PTPRN2: variants seen among roughly 807,000 people sequenced by gnomAD.
PTPRN2 encodes protein tyrosine phosphatase receptor type N2.
A neutral mutation model predicts 118.8 loss-of-function variants in PTPRN2; 74 were observed. That is an observed-to-expected ratio of 0.62 (90% CI 0.52 to 0.76). PTPRN2 has a LOEUF of 0.76. Ranked by LOEUF, PTPRN2 falls within the 30% of genes least tolerant of loss-of-function variation. PTPRN2 has a pLI of 0.00. For synonymous variants in PTPRN2, 641 were observed against 608.0 expected (o/e 1.05, Z -0.80); for missense variants, 1,481 against 1,394.4 (o/e 1.06, Z -0.99).
chr7:158,331,783 C>T (rs62480891), intron 2 of PTPRN2, among the ~76,000 whole-genome samples: 95,785 of 143,740 alleles, frequency 0.67, 32,209 homozygotes, highest in South Asian at 0.79. Context: ...AGAGCTGTCA[C>T]GCACAGACAT....
intron 5 of PTPRN2, among the ~76,000 whole-genome samples, chr7:158,167,695 G>T (rs1468896450): frequency 1.3e-5 from 2 of 152,178 alleles, no homozygotes; most frequent in Admixed American, 6.5e-5. Flanking sequence ...CTGCTCATTC[G>T]CTTTCAGTCT....
intron 3 of PTPRN2, among the ~76,000 whole-genome samples, chr7:158,252,785 A>G (rs1195634008): frequency 1.3e-5 from 2 of 152,208 alleles, no homozygotes; most frequent in East Asian, 3.9e-4. Context: ...ATGCAAAGCC[A>G]GAGAACGAAC....
chr7:157,887,406 C>T (rs1584953523), intron 12 of PTPRN2, among the ~76,000 whole-genome samples: 1 of 137,308 alleles, frequency 7.3e-6, no homozygotes, highest in African/African-American at 2.7e-5. Flanking sequence ...GCCCACTCCC[C>T]CCAGTACCCA....
Position 157,560,416 on chromosome 7 carries a change from C to T in PTPRN2, c.2902+8486G>A, listed in dbSNP as rs988642157. ...ATGCTGTCCACACGCTCCCACCAGG[C>T]GATCGACACCAGGGTCCGCCTGTGC... On this transcript the variant is annotated intron_variant, in intron 21 of 22. Transcript: ENST00000389418. This position sits in a 1 kb window ranked among gnomAD's most constrained non-coding sequence, Gnocchi z 6.7. 3.4e-5 allele frequency among the ~76,000 whole-genome samples: 5 copies of T among 146,884 alleles called. No individual in the cohort carries two copies. Among genetic ancestry groups the T allele is most frequent in the African/African-American group, 1.0e-4 (4 of 39,700 alleles).
intron 6 of PTPRN2, among the ~76,000 whole-genome samples, chr7:158,145,093 G>T (rs1229251194): frequency 6.2e-5 from 9 of 144,560 alleles, no homozygotes; most frequent in Non-Finnish European, 9.0e-5. Flanking sequence ...AGAATACCAC[G>T]GCTCGGCAAG....
At chr7:157,815,954 C>T (rs910217912) in intron 12 of PTPRN2, among the ~76,000 whole-genome samples, 1 of 152,220 alleles carries the variant, frequency 6.6e-6, no homozygotes, top group South Asian at 2.1e-4. Context: ...AGCACACGCC[C>T]TCTCTGGCTT....
intron 3 of PTPRN2, among the ~76,000 whole-genome samples, chr7:158,212,492 T>C (rs1365248761): frequency 6.6e-6 from 1 of 152,196 alleles, no homozygotes; most frequent in Non-Finnish European, 1.5e-5. Context: ...ATATCCCATG[T>C]ACCCCATAAA....
intron 11 of PTPRN2, among the ~76,000 whole-genome samples, chr7:158,049,373 G>T (rs1055100140): frequency 2.0e-5 from 3 of 152,200 alleles, no homozygotes; most frequent in African/African-American, 7.2e-5. Flanking sequence ...ACTGGTGGGT[G>T]ACTCCAACTC....
intron 3 of PTPRN2, among the ~76,000 whole-genome samples, chr7:158,281,934 T>C (rs1012833891): frequency 6.6e-6 from 1 of 152,224 alleles, no homozygotes; most frequent in Non-Finnish European, 1.5e-5. Flanking sequence ...CAAAAGCCAT[T>C]TCTCCTTCCA....
chr7:157,909,386 T>C (rs1367902482), intron 11 of PTPRN2, among the ~76,000 whole-genome samples: 3 of 150,338 alleles, frequency 2.0e-5, no homozygotes, highest in Admixed American at 1.3e-4. Flanking sequence ...CTCTATACAC[T>C]GGGGGGGGGA....
intron 3 of PTPRN2, among the ~76,000 whole-genome samples, chr7:158,228,448 T>G (rs909692834): frequency 2.6e-5 from 4 of 152,026 alleles, no homozygotes; most frequent in African/African-American, 9.7e-5. Flanking sequence ...TCCAGATACA[T>G]TTCATATTCC....
chr7:157,941,799 C>T (rs550559693), intron 11 of PTPRN2, among the ~76,000 whole-genome samples: 12 of 152,300 alleles, frequency 7.9e-5, no homozygotes, highest in African/African-American at 2.9e-4. Flanking sequence ...CTCCCAATAG[C>T]CCTCCCAGAG....
At position 157,590,847 on chromosome 7, in the gene PTPRN2, G is replaced by A. The variant is rs536548248; in HGVS notation, c.2496+4391C>T. On this transcript the variant is annotated intron_variant, in intron 17 of 22. Coordinates refer to ENST00000389418, the MANE Select transcript of PTPRN2 (RefSeq NM_002847.5). This position sits in a 1 kb window ranked among gnomAD's most constrained non-coding sequence, Gnocchi z 4.0. The stretch of plus-strand genomic sequence containing the variant: ...GCCCTCCTGGCTCCTCTGCCTCCCA[G>A]CAGCCCAGTGACCTCCAAACGGACT... Among the ~76,000 whole-genome samples, 4 of 152,308 alleles carry A rather than the reference G, an allele frequency of 2.6e-5. No individual in the cohort carries two copies. Among genetic ancestry groups the A allele is most frequent in the African/African-American group, 9.6e-5 (4 of 41,566 alleles).
rs1803525080 is a variant in PTPRN2, at chr7:157,779,185, G to A, written c.1789-96248C>T. The stretch of plus-strand genomic sequence containing the variant: ...GAGGTAGTAGCGCTACATTGAGGAT[G>A]CTGGACACGGCTTATCTCCTGGAGG... On this transcript the variant is annotated intron_variant, in intron 12 of 22. Coordinates refer to ENST00000389418, the MANE Select transcript of PTPRN2 (RefSeq NM_002847.5). This position sits in a 1 kb window ranked among gnomAD's most constrained non-coding sequence, Gnocchi z 4.7. Among the ~76,000 whole-genome samples, 1 of 152,178 alleles carries A rather than the reference G, an allele frequency of 6.6e-6. No individual in the cohort carries two copies. The highest frequency in any genetic ancestry group is 1.5e-5 in the Non-Finnish European group (1 of 68,032).
intron 2 of PTPRN2, among the ~76,000 whole-genome samples, chr7:158,461,748 C>G (rs1819008510): frequency 6.6e-6 from 1 of 152,188 alleles, no homozygotes; most frequent in Admixed American, 6.5e-5. Context: ...TGCACTGTTC[C>G]CTGCTATGCT....
At chr7:158,331,327 CAG>C (rs1233844407) in intron 2 of PTPRN2, among the ~76,000 whole-genome samples, 2 of 135,288 alleles carry the variant, frequency 1.5e-5, no homozygotes, top group Non-Finnish European at 3.1e-5. Flanking sequence ...CTGAGGCCCA[CAG>C]AGGTCACTCA....
intron 16 of PTPRN2, among the ~76,000 whole-genome samples, chr7:157,602,592 C>T (rs1014157731): frequency 7.3e-5 from 11 of 151,608 alleles, no homozygotes; most frequent in Non-Finnish European, 1.3e-4. Context: ...CATCAGTGAC[C>T]GCTGAGACCA....
chr7:158,004,019 T>C (rs1195767722), intron 11 of PTPRN2, among the ~76,000 whole-genome samples: 1 of 152,136 alleles, frequency 6.6e-6, no homozygotes, highest in Non-Finnish European at 1.5e-5. Flanking sequence ...TCCAGAAGAC[T>C]CCGGCTCTCG....
chr7:158,318,738 T>C (rs913559899), intron 2 of PTPRN2, among the ~76,000 whole-genome samples: 7 of 152,160 alleles, frequency 4.6e-5, no homozygotes, highest in Non-Finnish European at 8.8e-5. Flanking sequence ...TTGCGCACAT[T>C]GGAAAATGCA....
Sources: gnomAD v4.1 joint callset for allele counts (sites outside exome capture counted in the v4.1 genomes callset) on GRCh38, gnomAD v4.1.1 for gene constraint, Gnocchi (gnomAD v3.1) non-coding constraint, MANE v1.5 for transcripts, NCBI Gene and HGNC (gene_info 2026-07-23, HGNC 2026-07-21) for gene names.